KANSL1L: variants seen among roughly 807,000 people sequenced by gnomAD.
KANSL1L encodes the protein KAT8 regulatory NSL complex subunit 1-like protein.
KANSL1L carries 25 observed loss-of-function variants against 108.6 expected under a neutral mutation model. That is an observed-to-expected ratio of 0.23 (90% confidence interval 0.17 to 0.32). The LOEUF (loss-of-function observed/expected upper bound fraction) is 0.32, where lower values mean the gene tolerates loss of function less well. KANSL1L is among the 10% of genes least tolerant of loss of function. The pLI is 1.00. For synonymous variants in KANSL1L, 405 were observed against 395.1 expected, an observed-to-expected ratio of 1.03 and a Z score of -0.30; for missense variants, 1,137 against 1,125.7, an observed-to-expected ratio of 1.01 and a Z score of -0.14.
intron 3 of KANSL1L, among the ~76,000 whole-genome samples, chr2:210,104,823 C>T (rs2094830255): frequency 6.6e-6 from 1 of 152,128 alleles, no homozygotes; most frequent in African/African-American, 2.4e-5. Context: ...TGCTGTCAGC[C>T]AGCAACCAGG....
chr2:210,034,232 A>G (rs1004824731), intron 8 of KANSL1L, among the ~76,000 whole-genome samples: 3 of 152,204 alleles, frequency 2.0e-5, no homozygotes, highest in African/African-American at 4.8e-5. Flanking sequence ...TTGTAATGTG[A>G]TAGGAAAATA....
At chr2:210,071,420 A>G (rs1360992157) in intron 6 of KANSL1L, among the ~76,000 whole-genome samples, 1 of 151,788 alleles carries the variant, frequency 6.6e-6, no homozygotes, top group African/African-American at 2.4e-5. Flanking sequence ...GGCACAAACC[A>G]TGATGCCTGG....
chr2:210,095,403 G>C (rs1380261177), intron 5 of KANSL1L, among the ~76,000 whole-genome samples: 1 of 151,800 alleles, frequency 6.6e-6, no homozygotes, highest in African/African-American at 2.4e-5. Flanking sequence ...AGTCTCTCTT[G>C]CCAAAGTCTC....
chr2:210,116,647 A>G (rs10048758), intron 3 of KANSL1L, among the ~76,000 whole-genome samples: 184 of 152,320 alleles, frequency 1.2e-3, no homozygotes, highest in African/African-American at 4.3e-3. Flanking sequence ...TACTGAGGTC[A>G]TACCTCTATG....
At chr2:210,144,550 G>A (rs2095252509) in intron 2 of KANSL1L, among the ~76,000 whole-genome samples, 2 of 151,992 alleles carry the variant, frequency 1.3e-5, no homozygotes, top group African/African-American at 4.8e-5. Context: ...CTGTATTTGA[G>A]TTCACAGATT....
chr2:210,141,359 T>C (rs898636538), intron 2 of KANSL1L, among the ~76,000 whole-genome samples: 3 of 152,134 alleles, frequency 2.0e-5, no homozygotes, highest in Non-Finnish European at 2.9e-5. Flanking sequence ...TAATTCCCAA[T>C]GTGATGGCCT....
At chr2:210,141,178 CTT>C (rs2095225789) in intron 2 of KANSL1L, among the ~76,000 whole-genome samples, 1 of 148,384 alleles carries the variant, frequency 6.7e-6, no homozygotes, top group Admixed American at 6.7e-5. Context: ...TCTTTCTTTT[CTT>C]TCTCTCCCTT....
rs772346386 is a variant in KANSL1L at position 210,031,505 on chromosome 2, T to G, written c.2071A>C (p.Ile691Leu). The G allele has an allele frequency of 3.2e-6, 5 of 1,553,094 alleles. No individual in the cohort carries two copies. Among genetic ancestry groups the G allele is most frequent in the Admixed American group, 1.7e-5 (1 of 58,154 alleles). Residue 691 changes from isoleucine to leucine, a missense_variant, in exon 9 of 15, where the codon ATA (isoleucine) becomes CTA (leucine). By Grantham distance (5) the Ile-to-Leu change is conservative. Transcript: ENST00000281772. ...LNQWRNGYSP[I>L]CKPQIRSESS... is the part of the protein sequence containing the mutation. Reference sequence around the variant, plus strand: ...TCTGACCTTATTTGAGGCTTACATATAGGTGAATATCCATTTCTCCATTGA... The same window carrying G: ...TCTGACCTTATTTGAGGCTTACATAGAGGTGAATATCCATTTCTCCATTGA...
At chr2:210,067,563 C>A (rs10932318) in intron 6 of KANSL1L, among the ~76,000 whole-genome samples, 202 of 151,800 alleles carry the variant, frequency 1.3e-3, no homozygotes, top group African/African-American at 4.7e-3. Context: ...ATTGGCCAGG[C>A]ATGGGGGCAT....
At chr2:210,164,855 GTTTTTT>G (rs546289634) in intron 1 of KANSL1L, among the ~76,000 whole-genome samples, 3 of 135,104 alleles carry the variant, frequency 2.2e-5, no homozygotes, top group African/African-American at 8.1e-5. Context: ...TATTTTTTCT[GTTTTTT>G]TTTTTTTGTT....
intron 1 of KANSL1L, among the ~76,000 whole-genome samples, chr2:210,168,069 G>A (rs1024381625): frequency 2.0e-5 from 3 of 152,030 alleles, no homozygotes; most frequent in Admixed American, 6.6e-5. Flanking sequence ...ATGATTCAGG[G>A]TCATCATGAT....
At chr2:210,165,250 C>T (rs1259934102) in intron 1 of KANSL1L, among the ~76,000 whole-genome samples, 1 of 151,072 alleles carries the variant, frequency 6.6e-6, no homozygotes, top group African/African-American at 2.4e-5. Flanking sequence ...TTATGGATGG[C>T]AAAACAAAAC....
At chr2:210,135,770 A>G (rs1386514352) in intron 2 of KANSL1L, among the ~76,000 whole-genome samples, 1 of 152,186 alleles carries the variant, frequency 6.6e-6, no homozygotes, top group Non-Finnish European at 1.5e-5. Context: ...TCCTTGTTAT[A>G]AAAGCTTAAC....
rs1253992246 is a variant in KANSL1L, at chr2:210,104,195, A to G, written c.1337T>C (p.Val446Ala). ...ASLNILGNPQ[V>A]PQECQDPVPE... ...TACAGGATCTTGACACTCCTGGGGA[A>G]CCTGAGGATTCCCTAGAATGTTTAG... The change falls in exon 4 of 15, where the codon GTT becomes GCT. Residue 446 changes from valine (V) to alanine (A), a missense_variant. Val to Ala is a moderately conservative substitution (Grantham distance 64). Around this residue, in one of 3 missense-constraint regions of KANSL1L, gnomAD observed 556 missense variants for 537.7 expected, o/e 1.03. Coordinates refer to ENST00000281772, the MANE Select transcript of KANSL1L (RefSeq NM_152519.4). The G allele has an allele frequency of 6.2e-7, 1 of 1,613,668 alleles. No homozygotes were observed. Among genetic ancestry groups the G allele is most frequent in the African/African-American group, 1.3e-5 (1 of 75,054 alleles).
intron 6 of KANSL1L, among the ~76,000 whole-genome samples, chr2:210,060,284 T>C (rs1485266621): frequency 2.6e-5 from 4 of 152,308 alleles, no homozygotes; most frequent in Non-Finnish European, 4.4e-5. Flanking sequence ...ACAATGATGA[T>C]ACAGACTACA....
chr2:210,096,607 T>C, intron 5 of KANSL1L: 1 of 985,372 alleles, frequency 1.0e-6, no homozygotes, highest in East Asian at 1.1e-4. Flanking sequence ...CAAATCACAA[T>C]GCTTATACAC....
At chr2:210,098,309 T>C (rs1238594823) in intron 4 of KANSL1L, 102 bp from the exon 5 acceptor site, 6 of 993,282 alleles carry the variant, frequency 6.0e-6, no homozygotes, top group South Asian at 1.6e-5. Context: ...ATGACACACA[T>C]GTTTTTATTT....
At chr2:210,053,765 C>A (rs2094318640) in intron 6 of KANSL1L, among the ~76,000 whole-genome samples, 1 of 151,488 alleles carries the variant, frequency 6.6e-6, no homozygotes, top group African/African-American at 2.4e-5. Context: ...AGAGAAAAGA[C>A]AAACTGTGAA....
chr2:210,026,928 G>A (rs532571350), intron 12 of KANSL1L, among the ~76,000 whole-genome samples: 23 of 151,890 alleles, frequency 1.5e-4, no homozygotes, highest in African/African-American at 5.3e-4. Flanking sequence ...CCACCACCAC[G>A]CCCGACTAAT....
Sources: allele counts gnomAD v4.1 joint callset (sites outside exome capture counted in the v4.1 genomes callset), GRCh38; gene constraint gnomAD v4.1.1; regional missense constraint gnomAD v4.1.1; transcripts MANE v1.5; gene names NCBI Gene and HGNC (gene_info 2026-07-23, HGNC 2026-07-21).